Variants in NOTCH1 observed in about 807,000 individuals in gnomAD.
NOTCH1 encodes the protein neurogenic locus notch homolog protein 1.
A neutral mutation model predicts 254.8 loss-of-function variants in NOTCH1; 37 were observed. That is an observed-to-expected ratio of 0.15 (90% CI 0.11 to 0.19). The LOEUF is 0.19. NOTCH1 is among the 10% of genes least tolerant of loss of function. The pLI is 1.00. For missense variants in NOTCH1, 2,972 were observed against 3,708.6 expected, an observed-to-expected ratio of 0.80 and a Z score of 5.16; for synonymous variants, 1,731 against 1,618.1, an observed-to-expected ratio of 1.07 and a Z score of -1.68.
Position 136,523,831 on chromosome 9 carries a change from G to A in NOTCH1, c.289C>T (p.Leu97Phe), listed in dbSNP as rs1399662154. 52 of 1,611,824 alleles carry A rather than the reference G, an allele frequency of 3.2e-5. No individual in the cohort carries two copies. Among genetic ancestry groups the A allele is most frequent in the Non-Finnish European group, 4.4e-5 (52 of 1,179,654 alleles). ...GCATTGTCCAGGGGTGTCAGGCAGAGGGGCCCAGAGAAGCCCAGGGCACAG... is the reference window on the plus strand; with the variant it reads ...GCATTGTCCAGGGGTGTCAGGCAGAAGGGCCCAGAGAAGCCCAGGGCACAG... ...CSCALGFSGP[L>F]CLTPLDNACL... The change falls in exon 3 of 34, where the codon CTC (leucine) becomes TTC (phenylalanine). Residue 97 changes from leucine to phenylalanine, a missense_variant. Physicochemically the swap from Leu to Phe is conservative, Grantham distance 22. Around this residue, in one of 8 missense-constraint regions of NOTCH1, gnomAD observed 374 missense variants for 496.3 expected, o/e 0.75. Transcript: ENST00000651671.
rs1400816809 is a variant in NOTCH1 at position 136,545,715 on chromosome 9, T to C, written c.61+11A>G. The C allele has an allele frequency of 2.2e-6, 3 of 1,394,446 alleles. No homozygotes were observed. The highest frequency in any genetic ancestry group is 1.5e-5 in the African/African-American group (1 of 65,216). The allele number at this position is 1,394,446 out of a possible 1,614,324, so 86.4% of individuals were successfully genotyped here. ...CGGAAAGTGGGGGCTCGCGGGTGGG[T>C]GGGCGCCTACCTCGTGCGGCGAGCG... On this transcript the variant is annotated intron_variant, in intron 1 of 33. Transcript: ENST00000651671. The surrounding 1 kb of genome is among the most constrained non-coding windows in gnomAD (Gnocchi z 6.8).
chr9:136,536,920 C>T (rs145943549), intron 2 of NOTCH1, among the ~76,000 whole-genome samples: 119 of 152,348 alleles, frequency 7.8e-4, no homozygotes, highest in African/African-American at 2.7e-3. Flanking sequence ...GGCGTGTGGA[C>T]GCTCAGTGAC....
chr9:136,495,930 A>C lies in NOTCH1; in HGVS notation c.*141T>G, dbSNP rs1404999145. ...TAAAAGTACATAAATAAATACTAAAAAAAATTAAAATCCTCGTTCTTATTT... is the reference window on the plus strand; with the variant it reads ...TAAAAGTACATAAATAAATACTAAACAAAATTAAAATCCTCGTTCTTATTT... On this transcript the variant is annotated 3_prime_UTR_variant, in exon 34 of 34. Coordinates refer to ENST00000651671, the MANE Select transcript of NOTCH1 (RefSeq NM_017617.5). 2.1e-6 allele frequency: 2 copies of C among 942,008 alleles called. No individual in the cohort carries two copies. The highest frequency in any genetic ancestry group is 2.7e-5 in the East Asian group (1 of 37,436). 58.4% of individuals were successfully genotyped at this position (942,008 alleles called of 1,614,324 possible).
intron 9 of NOTCH1, among the ~76,000 whole-genome samples, chr9:136,516,423 C>T (rs1361508771): frequency 1.3e-5 from 2 of 152,230 alleles, no homozygotes; most frequent in Admixed American, 1.3e-4. Flanking sequence ...GGAGCCTAGG[C>T]TTGGGCTGGC....
rs544720320 is a variant in NOTCH1, at chr9:136,528,318, C to T, written c.141-4339G>A. On this transcript the variant is annotated intron_variant, in intron 2 of 33. Transcript: ENST00000651671. ...TGCACCCGCCACAGGAACCAGAGAC[C>T]CTGGGTGGGAGAGGTGCTTCCCATG... 1.1e-3 allele frequency among the ~76,000 whole-genome samples: 134 copies of T among 116,862 alleles called. 1 individual carries two copies. In the South Asian group the frequency reaches 0.039, roughly 34 times the overall value. 76.7% of individuals were successfully genotyped at this position (116,862 alleles called of 152,430 possible). A position where few individuals can be genotyped will look rare whatever the true frequency, so the allele number is the denominator to read the frequency against.
chr9:136,499,963 G>A (rs1026065801), intron 31 of NOTCH1, among the ~76,000 whole-genome samples: 5 of 152,222 alleles, frequency 3.3e-5, no homozygotes, highest in Non-Finnish European at 7.3e-5. Flanking sequence ...CCCGGGCTGT[G>A]CCCATCTGAA....
In NOTCH1 at chr9:136,494,769, CTCAT is replaced by C. The variant is rs1271612111; in HGVS notation, c.*1298_*1301del. ...CCTCACTGGCATGACACACAACAGACTCATTCATTAAGATTTTTTAAACAAAATC... is the reference window on the plus strand; with the variant it reads ...CCTCACTGGCATGACACACAACAGACTCATTAAGATTTTTTAAACAAAATC... On this transcript the variant is annotated 3_prime_UTR_variant, in exon 34 of 34. Coordinates refer to ENST00000651671, the MANE Select transcript of NOTCH1 (RefSeq NM_017617.5). The C allele has an allele frequency of 2.5e-6, 1 of 398,618 alleles. No individual in the cohort carries two copies. The highest frequency in any genetic ancestry group is 2.1e-5 in the African/African-American group (1 of 48,634). 24.7% of individuals were successfully genotyped at this position (398,618 alleles called of 1,614,324 possible). A position where few individuals can be genotyped will look rare whatever the true frequency, so the allele number is the denominator to read the frequency against.
At position 136,509,041 on chromosome 9, in the gene NOTCH1, G is replaced by A. The variant is rs751055570; in HGVS notation, c.3000C>T (p.Asp1000=). 7.7e-6 allele frequency: 12 copies of A among 1,560,572 alleles called. No homozygotes were observed. The highest frequency in any genetic ancestry group is 4.8e-5 in the East Asian group (2 of 41,958). ...SSCFNGGTCV[D]GINSFTCLCP... is the part of the protein sequence containing the mutation. Reference sequence around the variant, plus strand: ...ACAGGCAGGTGAACGAGTTGATGCCGTCCACGCAGGTGCCACCGTTGAAGC... The same window carrying A: ...ACAGGCAGGTGAACGAGTTGATGCCATCCACGCAGGTGCCACCGTTGAAGC... Residue 1000 remains aspartate, a synonymous_variant, in exon 19 of 34, where the codon GAC becomes GAT. Transcript: ENST00000651671.
chr9:136,506,149 A>C lies in NOTCH1; in HGVS notation c.4015-268T>G, dbSNP rs922112700. Among the ~76,000 whole-genome samples, 1 of 152,118 alleles carries C rather than the reference A, an allele frequency of 6.6e-6. No homozygotes were observed. Among genetic ancestry groups the C allele is most frequent in the Admixed American group, 6.5e-5 (1 of 15,278 alleles). On this transcript the variant is annotated intron_variant, in intron 24 of 33. Coordinates refer to ENST00000651671, the MANE Select transcript of NOTCH1 (RefSeq NM_017617.5). The surrounding 1 kb of genome is among the most constrained non-coding windows in gnomAD (Gnocchi z 4.5). The stretch of plus-strand genomic sequence containing the variant: ...AGGGACTCTCTGCCGTGATCCTGCG[A>C]GGGTGGGCAGGCATGTCATACCTCA...
chr9:136,504,956 G>A lies in NOTCH1; in HGVS notation c.4735C>T (p.Leu1579=). Residue 1579 remains leucine (L), a synonymous_variant, in exon 26 of 34, where the codon CTG becomes TTG. Transcript: ENST00000651671. ...TTGCGCAGCTGCTCCGGCGGCATCA[G>A]CACCACCACCACCAGCGTGCCGGCC... ...LAAGTLVVVV[L]MPPEQLRNSS... is the part of the protein sequence containing the mutation. 1 of 1,588,742 alleles carries A rather than the reference G, an allele frequency of 6.3e-7. No individual in the cohort carries two copies. The highest frequency in any genetic ancestry group is 1.1e-5 in the South Asian group (1 of 87,812).
chr9:136,513,594 T>C lies in NOTCH1; in HGVS notation c.2208-57A>G. On this transcript the variant is annotated intron_variant, in intron 13 of 33. Transcript: ENST00000651671. This position sits in a 1 kb window ranked among gnomAD's most constrained non-coding sequence, Gnocchi z 4.7. ...AGGCCCGAGCAGCACGGCCGGGGCCTGGGCACTCCCGGGTCTGCAATGCCC... is the reference window on the plus strand; with the variant it reads ...AGGCCCGAGCAGCACGGCCGGGGCCCGGGCACTCCCGGGTCTGCAATGCCC... The C allele has an allele frequency of 1.2e-6, 2 of 1,602,826 alleles. No individual in the cohort carries two copies. Among genetic ancestry groups the C allele is most frequent in the African/African-American group, 1.3e-5 (1 of 74,804 alleles).
chr9:136,541,828 A>C (rs1843736633), intron 2 of NOTCH1, among the ~76,000 whole-genome samples: 1 of 152,192 alleles, frequency 6.6e-6, no homozygotes, highest in African/African-American at 2.4e-5. Flanking sequence ...CAGGAGCCTG[A>C]GGACGCGCTT....
Position 136,514,668 on chromosome 9 carries a change from C to A in NOTCH1, c.2049G>T (p.Ala683=), listed in dbSNP as rs61751553. 1 of 1,612,316 alleles carries A rather than the reference C, an allele frequency of 6.2e-7. No homozygotes were observed. The highest frequency in any genetic ancestry group is 1.1e-5 in the South Asian group (1 of 91,008). The change falls in exon 13 of 34, where the codon GCG becomes GCT. Residue 683 remains alanine, a synonymous_variant. Coordinates refer to ENST00000651671, the MANE Select transcript of NOTCH1 (RefSeq NM_017617.5). Reference sequence around the variant, plus strand: ...TGCCCCCGTTGTGGCAGGGGTTGCCCGCACACTCATCGATGTTGATGTTAC... The same window carrying A: ...TGCCCCCGTTGTGGCAGGGGTTGCCAGCACACTCATCGATGTTGATGTTAC... ...SMCNINIDEC[A]GNPCHNGGTC... is the part of the protein sequence containing the mutation.
chr9:136,512,990 C>A (rs748621326), intron 15 of NOTCH1, 31 bp downstream of exon 15: 2 of 922,340 alleles, frequency 2.2e-6, no homozygotes, highest in South Asian at 1.4e-5. Context: ...AGGCCCCGCC[C>A]CCTCCAGCAC....
chr9:136,520,453 C>T (rs544918009), intron 4 of NOTCH1, among the ~76,000 whole-genome samples: 2 of 152,186 alleles, frequency 1.3e-5, no homozygotes, highest in South Asian at 4.1e-4. Flanking sequence ...CAGACCCCAG[C>T]CCTGGCGCGG....
Position 136,504,868 on chromosome 9 carries a change from C to A in NOTCH1, c.4823G>T (p.Arg1608Leu). ...GATCATCTGCTGGCCGTGTGCGTCACGCTTGAAGACCACGTTGGTGTGCAG... is the reference window on the plus strand; with the variant it reads ...GATCATCTGCTGGCCGTGTGCGTCAAGCTTGAAGACCACGTTGGTGTGCAG... ...RVLHTNVVFK[R>L]DAHGQQMIFP... The change falls in exon 26 of 34, where the codon CGT (arginine) becomes CTT (leucine). Residue 1608 changes from arginine to leucine, a missense_variant. Physicochemically the swap from Arg to Leu is moderately radical, Grantham distance 102. Coordinates refer to ENST00000651671, the MANE Select transcript of NOTCH1 (RefSeq NM_017617.5). 1 of 1,583,282 alleles carries A rather than the reference C, an allele frequency of 6.3e-7. No individual in the cohort carries two copies. The highest frequency in any genetic ancestry group is 1.2e-5 in the South Asian group (1 of 86,862).
At chr9:136,524,427 G>A (rs1168983983) in intron 2 of NOTCH1, among the ~76,000 whole-genome samples, 1 of 152,212 alleles carries the variant, frequency 6.6e-6, no homozygotes, top group Non-Finnish European at 1.5e-5. Flanking sequence ...CACCCGCGGA[G>A]AGCCATGGAG....
chr9:136,519,570 C>T lies in NOTCH1; in HGVS notation c.743-5G>A. The T allele has an allele frequency of 1.2e-6, 2 of 1,612,720 alleles. No individual in the cohort carries two copies. Among genetic ancestry groups the T allele is most frequent in the Non-Finnish European group, 1.7e-6 (2 of 1,179,888 alleles). Reference sequence around the variant, plus strand: ...CACAGTTCTGGCCGGTGAAGCCTGCCGCAAGAGGGGCCGGGTCAGCCTCTT... The same window carrying T: ...CACAGTTCTGGCCGGTGAAGCCTGCTGCAAGAGGGGCCGGGTCAGCCTCTT... On this transcript the variant is annotated splice_polypyrimidine_tract_variant and splice_region_variant and intron_variant, in intron 4 of 33. Coordinates refer to ENST00000651671, the MANE Select transcript of NOTCH1 (RefSeq NM_017617.5).
chr9:136,525,364 G>A (rs978181594), intron 2 of NOTCH1, among the ~76,000 whole-genome samples: 31 of 151,958 alleles, frequency 2.0e-4, no homozygotes, highest in Admixed American at 1.5e-3. Flanking sequence ...ATAAATCTCC[G>A]GCCCCAGTCA....
Sources: allele counts gnomAD v4.1 joint callset (sites outside exome capture counted in the v4.1 genomes callset), GRCh38; gene constraint gnomAD v4.1.1; regional missense constraint gnomAD v4.1.1; non-coding constraint Gnocchi (gnomAD v3.1); transcripts MANE v1.5; gene names NCBI Gene and HGNC (gene_info 2026-07-23, HGNC 2026-07-21).